Variants in DPP6 observed in about 807,000 individuals in gnomAD.
DPP6 encodes the protein A-type potassium channel modulatory protein DPP6.
A neutral mutation model predicts 122.6 loss-of-function variants in DPP6; 69 were observed. The ratio of observed to expected loss-of-function variants is 0.56; its 90% CI spans 0.46 to 0.69. The LOEUF (loss-of-function observed/expected upper bound fraction) is 0.69. Ranked by LOEUF, DPP6 falls within the 30% of genes least tolerant of loss-of-function variation. The pLI is 0.00. For missense variants in DPP6, 928 were observed against 1,116.9 expected (o/e 0.83, Z 2.41); for synonymous variants, 418 against 433.1 (o/e 0.97, Z 0.43).
Position 154,618,249 on chromosome 7 carries a change from G to A in DPP6, c.628-19572G>A, listed in dbSNP as rs1235071513. ...GCCCTGAGTTATTTTGCCCCTAATG[G>A]GTTTCCAGGGTCGTGTCCTTTCCCA... On this transcript the variant is annotated intron_variant, in intron 5 of 25. Transcript: ENST00000377770. The surrounding 1 kb of genome is among the most constrained non-coding windows in gnomAD (Gnocchi z 4.1). Among the ~76,000 whole-genome samples the A allele has an allele frequency of 6.6e-6, 1 of 152,108 alleles. No individual in the cohort carries two copies. The highest frequency in any genetic ancestry group is 2.4e-5 in the African/African-American group (1 of 41,414).
chr7:154,688,360 T>G lies in DPP6; in HGVS notation c.762+18919T>G, dbSNP rs138978726. On this transcript the variant is annotated intron_variant, in intron 7 of 25. Transcript: ENST00000377770. ...CTTAAAAAATACTTTCTCCATAAATTTTTATAATTTTCTCCAAAACAGCTT... is the reference window on the plus strand; with the variant it reads ...CTTAAAAAATACTTTCTCCATAAATGTTTATAATTTTCTCCAAAACAGCTT... Among the ~76,000 whole-genome samples the G allele has an allele frequency of 6.1e-3, 936 of 152,306 alleles. 15 individuals are homozygous for G. Among genetic ancestry groups the G allele is most frequent in the African/African-American group, 0.021 (889 of 41,558 alleles).
At chr7:153,947,870 T>A (rs1484191157) in intron 1 of DPP6, among the ~76,000 whole-genome samples, 1 of 152,172 alleles carries the variant, frequency 6.6e-6, no homozygotes, top group African/African-American at 2.4e-5. Context: ...GGAAGTCGGA[T>A]GGTCCTTCCT....
chr7:154,327,869 G>A (rs1808586482), intron 1 of DPP6, among the ~76,000 whole-genome samples: 1 of 152,294 alleles, frequency 6.6e-6, no homozygotes, highest in South Asian at 2.1e-4. Context: ...CATTTGCAAA[G>A]AAATCTCATT....
intron 1 of DPP6, among the ~76,000 whole-genome samples, chr7:154,195,558 G>A (rs1376668057): frequency 6.6e-6 from 1 of 152,266 alleles, no homozygotes; most frequent in South Asian, 2.1e-4. Context: ...TGGCACTGAT[G>A]GGATGACTCC....
intron 1 of DPP6, among the ~76,000 whole-genome samples, chr7:154,372,854 C>T (rs1456972382): frequency 6.6e-6 from 1 of 152,172 alleles, no homozygotes; most frequent in African/African-American, 2.4e-5. Context: ...GAATGCATGA[C>T]ACATAGGTGT....
intron 7 of DPP6, among the ~76,000 whole-genome samples, chr7:154,715,300 A>G (rs1248623699): frequency 6.6e-6 from 1 of 152,124 alleles, no homozygotes; most frequent in East Asian, 1.9e-4. Context: ...AACTCCTAAC[A>G]TCAGATGATC....
chr7:153,869,276 T>C, the DPP6 span, among the ~76,000 whole-genome samples: 4 of 152,228 alleles, frequency 2.6e-5, no homozygotes, highest in Non-Finnish European at 4.4e-5. Flanking sequence ...ATTATTATTG[T>C]GTGGGAGTCT....
chr7:154,573,139 C>T (rs1831236552), intron 5 of DPP6, among the ~76,000 whole-genome samples: 1 of 152,174 alleles, frequency 6.6e-6, no homozygotes, highest in Non-Finnish European at 1.5e-5. Flanking sequence ...TGCTCTTGGA[C>T]TGGTTCTTTC....
chr7:154,165,637 T>C (rs1227189339), intron 1 of DPP6, among the ~76,000 whole-genome samples: 3 of 151,804 alleles, frequency 2.0e-5, no homozygotes, highest in Non-Finnish European at 4.4e-5. Flanking sequence ...TGTAAAAGTG[T>C]TCCTATTTCT....
chr7:154,124,428 A>G (rs1807728631), intron 1 of DPP6, among the ~76,000 whole-genome samples: 1 of 152,068 alleles, frequency 6.6e-6, no homozygotes, highest in Non-Finnish European at 1.5e-5. Context: ...TGGGACATGT[A>G]AGAGGGCCAG....
At chr7:154,023,567 C>T (rs1222421383) in intron 1 of DPP6, among the ~76,000 whole-genome samples, 1 of 151,588 alleles carries the variant, frequency 6.6e-6, no homozygotes, top group African/African-American at 2.4e-5. Context: ...TTGCAACCTC[C>T]GCCTCCTGGG....
intron 1 of DPP6, among the ~76,000 whole-genome samples, chr7:154,178,265 A>G (rs1797904376): frequency 6.6e-6 from 1 of 152,188 alleles, no homozygotes; most frequent in South Asian, 2.1e-4. Context: ...AGCATCCACC[A>G]TTTGCTCAGG....
In DPP6 at chr7:154,481,910, C is replaced by G. The variant is rs540650805; in HGVS notation, c.457+6873C>G. ...ATGTAAACTCCACAAGGATGGGACT[C>G]GCATCTCTGTTTACTGTGGTATCCC... is the stretch of plus-strand genomic sequence containing the variant. On this transcript the variant is annotated intron_variant, in intron 3 of 25. Coordinates refer to ENST00000377770, the MANE Select transcript of DPP6 (RefSeq NM_130797.4). This position sits in a 1 kb window ranked among gnomAD's most constrained non-coding sequence, Gnocchi z 4.2. 6.6e-6 allele frequency among the ~76,000 whole-genome samples: 1 copy of G among 152,182 alleles called. No individual in the cohort carries two copies. Among genetic ancestry groups the G allele is most frequent in the African/African-American group, 2.4e-5 (1 of 41,438 alleles).
intron 1 of DPP6, among the ~76,000 whole-genome samples, chr7:154,076,403 T>C (rs1454022789): frequency 5.9e-5 from 9 of 151,854 alleles, no homozygotes; most frequent in Admixed American, 5.2e-4. Flanking sequence ...TGAGCCGAGA[T>C]TGTGGCAATG....
Position 154,868,082 on chromosome 7 carries a change from T to C in DPP6, c.1802T>C (p.Ile601Thr), listed in dbSNP as rs368709769. Residue 601 changes from isoleucine (I) to threonine (T), a missense_variant, in exon 18 of 26, where the codon ATT becomes ACT. By Grantham distance (89) the Ile-to-Thr change is moderately conservative. Coordinates refer to ENST00000377770, the MANE Select transcript of DPP6 (RefSeq NM_130797.4). ...MPKVEYRDIE[I>T]DDYNLPMQIL... ...AAAGTGGAATACAGGGACATTGAGA[T>C]TGATGATTACAGTAAGTACTACGTT... The C allele has an allele frequency of 1.0e-4, 161 of 1,605,470 alleles. No homozygotes were observed. Among genetic ancestry groups the C allele is most frequent in the Admixed American group, 2.9e-4 (17 of 58,914 alleles).
intron 1 of DPP6, among the ~76,000 whole-genome samples, chr7:154,182,559 G>GGGGGAGGTGGGCT (rs1798146409): frequency 1.3e-5 from 2 of 152,244 alleles, no homozygotes; most frequent in Admixed American, 1.3e-4. Context: ...ACATGTGCCC[G>GGGGGAGGTGGGCT]GGGGAGGTGG....
chr7:154,357,716 T>G lies in DPP6; in HGVS notation c.244-88498T>G, dbSNP rs536429468. ...CAACACTTTGGGAGGCTGAGGTGGG[T>G]GGATCACCTGAGGTCAGGAGTTTGA... On this transcript the variant is annotated intron_variant, in intron 1 of 25. Transcript: ENST00000377770. 2.0e-5 allele frequency among the ~76,000 whole-genome samples: 3 copies of G among 152,010 alleles called. No homozygotes were observed. In the South Asian group the frequency reaches 6.2e-4, roughly 32 times the overall value.
At chr7:154,649,097 C>CCTTTTGCCTTT (rs1335234416) in intron 6 of DPP6, among the ~76,000 whole-genome samples, 1 of 152,066 alleles carries the variant, frequency 6.6e-6, no homozygotes, top group African/African-American at 2.4e-5. Context: ...CACACTTTTG[C>CCTTTTGCCTTT]CTTTTGCCTT....
intron 1 of DPP6, among the ~76,000 whole-genome samples, chr7:154,177,548 C>A (rs1197885379): frequency 1.3e-5 from 2 of 152,196 alleles, no homozygotes; most frequent in Non-Finnish European, 2.9e-5. Flanking sequence ...GGGCCTGAGG[C>A]CCTGACCTGA....
Sources: gnomAD v4.1 joint callset for allele counts (sites outside exome capture counted in the v4.1 genomes callset) on GRCh38, gnomAD v4.1.1 for gene constraint, Gnocchi (gnomAD v3.1) non-coding constraint, MANE v1.5 for transcripts, NCBI Gene and HGNC (gene_info 2026-07-23, HGNC 2026-07-21) for gene names.